PPA1: variants seen among roughly 807,000 people sequenced by gnomAD.
PPA1 encodes the protein inorganic pyrophosphatase.
PPA1 carries 23 observed loss-of-function variants against 41.8 expected under a neutral mutation model. The observed-to-expected ratio is 0.55, with a 90% CI of 0.40 to 0.78. The LOEUF is 0.78. Ranked by LOEUF, PPA1 falls within the 30% of genes least tolerant of loss-of-function variation. The pLI is 0.00. For missense variants in PPA1, 320 were observed against 361.6 expected, an observed-to-expected ratio of 0.89 and a Z score of 0.93; for synonymous variants, 101 against 116.8, an observed-to-expected ratio of 0.86 and a Z score of 0.87.
chr10:70,203,928 A>T (rs1424134771), intron 10 of PPA1: 1 of 152,436 alleles, frequency 6.6e-6, no homozygotes. Flanking sequence ...AACCACTGTG[A>T]TACAGTGTGG....
chr10:70,222,113 A>AT (rs549792951), intron 2 of PPA1, among the ~76,000 whole-genome samples: 6 of 151,954 alleles, frequency 3.9e-5, no homozygotes, highest in Non-Finnish European at 7.4e-5. Context: ...AGGTGGGCGG[A>AT]TTATGAGGTC....
At chr10:70,218,714 G>C (rs751529718) in intron 3 of PPA1, 50 bp downstream of exon 3, 5 of 1,425,402 alleles carry the variant, frequency 3.5e-6, no homozygotes, top group Non-Finnish European at 4.0e-6. Flanking sequence ...AGTGTGACTA[G>C]ATCAAAACCA....
At chr10:70,208,668 T>A (rs1201353687) in intron 8 of PPA1, among the ~76,000 whole-genome samples, 1 of 152,116 alleles carries the variant, frequency 6.6e-6, no homozygotes, top group Non-Finnish European at 1.5e-5. Flanking sequence ...TTTACACATA[T>A]AACTCTTCTC....
At chr10:70,226,138 A>G (rs1447545201) in intron 2 of PPA1, among the ~76,000 whole-genome samples, 7 of 152,224 alleles carry the variant, frequency 4.6e-5, no homozygotes, top group Non-Finnish European at 8.8e-5. Context: ...ACATACACAC[A>G]AAACTTTTAG....
At chr10:70,217,964 T>C (rs764595971) in intron 3 of PPA1, 33 bp from the exon 4 acceptor site, 2 of 1,500,204 alleles carry the variant, frequency 1.3e-6, no homozygotes, top group East Asian at 4.6e-5. Flanking sequence ...CTTTGCATAT[T>C]TGGATGTGAA....
At chr10:70,212,069 T>C (rs2136755837) in intron 6 of PPA1, among the ~76,000 whole-genome samples, 1 of 152,336 alleles carries the variant, frequency 6.6e-6, no homozygotes, top group Non-Finnish European at 1.5e-5. Context: ...TGCTCTAAAG[T>C]CATCCTCTCC....
At chr10:70,208,046 C>T (rs888864382) in intron 8 of PPA1, among the ~76,000 whole-genome samples, 2 of 151,904 alleles carry the variant, frequency 1.3e-5, no homozygotes, top group African/African-American at 2.4e-5. Context: ...AAAAATTAGC[C>T]GGGCGTGGTG....
intron 5 of PPA1, among the ~76,000 whole-genome samples, 173 bp downstream of exon 5, chr10:70,214,327 T>C (rs989292691): frequency 2.6e-5 from 4 of 152,224 alleles, no homozygotes; most frequent in Non-Finnish European, 5.9e-5. Context: ...TAGATTTAAA[T>C]GTAAAAATTA....
At chr10:70,224,057 G>C (rs1021900301) in intron 2 of PPA1, among the ~76,000 whole-genome samples, 2 of 152,066 alleles carry the variant, frequency 1.3e-5, no homozygotes, top group African/African-American at 2.4e-5. Context: ...TAAACCAGTG[G>C]GGGATAAGGG....
rs79719906 is a variant in PPA1, at chr10:70,209,582, C to T, written c.615G>A (p.Ala205=). The T allele has an allele frequency of 2.3e-5, 37 of 1,603,474 alleles. No homozygotes were observed. The highest frequency in any genetic ancestry group is 1.2e-4 in the Admixed American group (7 of 56,428). Residue 205 remains alanine, a synonymous_variant, in exon 7 of 11, where the codon GCG becomes GCA. Transcript: ENST00000373232. ...CCTTATCTTTAAATTCTGCATTAAA[C>T]GCAAACTCATTTTCTGGTTTTCCAT... The part of the protein sequence containing the change: ...VPDGKPENEF[A]FNAEFKDKDF...
At chr10:70,213,725 T>A in intron 5 of PPA1, 136 bp from the exon 6 acceptor site, 1 of 1,057,774 alleles carries the variant, frequency 9.5e-7, no homozygotes, top group Non-Finnish European at 1.3e-6. Flanking sequence ...TAAGCAAATT[T>A]TAAAAACCTA....
intron 6 of PPA1, among the ~76,000 whole-genome samples, chr10:70,211,842 T>C (rs1840024066): frequency 6.6e-6 from 1 of 152,250 alleles, no homozygotes; most frequent in South Asian, 2.1e-4. Context: ...AGAGCCGTAC[T>C]ACCAAGTAGT....
intron 10 of PPA1, 46 bp downstream of exon 10, chr10:70,204,827 T>C: frequency 6.9e-7 from 1 of 1,445,220 alleles, no homozygotes; most frequent in Non-Finnish European, 9.5e-7. Flanking sequence ...AATTTTTCCA[T>C]AACTGTGTAA....
At chr10:70,216,596 A>G (rs1840084879) in intron 4 of PPA1, among the ~76,000 whole-genome samples, 1 of 152,202 alleles carries the variant, frequency 6.6e-6, no homozygotes, top group African/African-American at 2.4e-5. Context: ...CCTATGTTCT[A>G]CTATCTTATG....
intron 2 of PPA1, among the ~76,000 whole-genome samples, chr10:70,225,434 T>C (rs1179180038): frequency 1.3e-5 from 2 of 152,012 alleles, no homozygotes; most frequent in Admixed American, 6.6e-5. Context: ...AGGCTGGTCA[T>C]GAACTCCTGA....
At chr10:70,210,835 G>A (rs371938766) in intron 6 of PPA1, among the ~76,000 whole-genome samples, 82 of 149,760 alleles carry the variant, frequency 5.5e-4, no homozygotes, top group Non-Finnish European at 1.1e-3. Context: ...GCGCAATCTC[G>A]GCTCACTGCA....
chr10:70,223,241 G>A (rs1840195397), intron 2 of PPA1, among the ~76,000 whole-genome samples: 1 of 133,528 alleles, frequency 7.5e-6, no homozygotes, highest in Non-Finnish European at 1.6e-5. Context: ...GAGAGACGGG[G>A]TCTCACTCTG....
At position 70,230,311 on chromosome 10, in the gene PPA1, A is replaced by C. The variant is rs566469089; in HGVS notation, c.123+30T>G. The stretch of plus-strand genomic sequence containing the variant: ...GTAGAACTAGCTGATCTGAGTAAAG[A>C]GACTGTGTCCAAAAACAAGGATGCC... On this transcript the variant is annotated intron_variant, in intron 2 of 10. Coordinates refer to ENST00000373232, the MANE Select transcript of PPA1 (RefSeq NM_021129.4). The C allele has an allele frequency of 7.5e-6, 12 of 1,609,562 alleles. No individual in the cohort carries two copies. In the African/African-American group the frequency reaches 1.3e-4, roughly 18 times the overall value.
chr10:70,231,015 G>A (rs1840285245), intron 1 of PPA1, among the ~76,000 whole-genome samples: 1 of 152,174 alleles, frequency 6.6e-6, no homozygotes, highest in African/African-American at 2.4e-5. Context: ...AAGTACTTGG[G>A]AGGAAGGGAG....
Sources: allele counts gnomAD v4.1 joint callset (sites outside exome capture counted in the v4.1 genomes callset), GRCh38; gene constraint gnomAD v4.1.1; transcripts MANE v1.5; gene names NCBI Gene and HGNC (gene_info 2026-07-23, HGNC 2026-07-21).